Variants in PHLDB2 observed in about 807,000 individuals in gnomAD.
The protein encoded by PHLDB2 is pleckstrin homology like domain family B member 2, also known as pleckstrin homology-like domain family B member 2.
Under a neutral mutation model 123.6 loss-of-function variants are expected in PHLDB2, and 71 were observed. The observed-to-expected ratio is 0.57, with a 90% CI of 0.47 to 0.70. The LOEUF is 0.70. Among genes scored for constraint, PHLDB2 ranks in the 30% least tolerant of loss-of-function variants. PHLDB2 has a pLI of 0.00. For synonymous variants in PHLDB2, 547 were observed against 541.6 expected, an observed-to-expected ratio of 1.01 and a Z score of -0.14; for missense variants, 1,446 against 1,519.5, an observed-to-expected ratio of 0.95 and a Z score of 0.80.
chr3:111,772,114 A>G (rs898574183), intron 1 of PHLDB2, among the ~76,000 whole-genome samples: 3 of 152,152 alleles, frequency 2.0e-5, no homozygotes, highest in African/African-American at 4.8e-5. Context: ...AATCATTATG[A>G]GAATTTATTA....
chr3:111,740,771 T>C (rs1432398825), intron 1 of PHLDB2, among the ~76,000 whole-genome samples: 1 of 152,094 alleles, frequency 6.6e-6, no homozygotes, highest in African/African-American at 2.4e-5. Flanking sequence ...GACAGGCTTA[T>C]GATTCAACCA....
At chr3:111,870,885 A>G (rs550613766) in intron 1 of PHLDB2, among the ~76,000 whole-genome samples, 2 of 152,340 alleles carry the variant, frequency 1.3e-5, no homozygotes, top group African/African-American at 4.8e-5. Flanking sequence ...TTGAACACCA[A>G]GCATCAACCA....
In PHLDB2 at chr3:111,796,559, ACT is replaced by A. The variant is rs535457050; in HGVS notation, c.-48-49258_-48-49257del. Among the ~76,000 whole-genome samples, 9 of 151,956 alleles carry A rather than the reference ACT, an allele frequency of 5.9e-5. No individual in the cohort carries two copies. In the East Asian group the frequency reaches 1.6e-3, roughly 26 times the overall value. On this transcript the variant is annotated intron_variant, in intron 1 of 17. Transcript: ENST00000393923. ...TTATTTTTTATTGTTTTTGAGACAG[ACT>A]CTCACTCTGTTGTCCATGCTGAAGT...
chr3:111,925,224 GC>G (rs2107546528), intron 5 of PHLDB2, among the ~76,000 whole-genome samples: 1 of 152,260 alleles, frequency 6.6e-6, no homozygotes, highest in Admixed American at 6.5e-5. Context: ...ATTTAGGAAT[GC>G]ATTTTATTTT....
chr3:111,892,572 C>T (rs2066568056), intron 2 of PHLDB2, among the ~76,000 whole-genome samples: 1 of 152,120 alleles, frequency 6.6e-6, no homozygotes, highest in African/African-American at 2.4e-5. Flanking sequence ...AATAGAGAAG[C>T]TCTATACAAA....
chr3:111,781,299 G>T (rs1278248948), intron 1 of PHLDB2, among the ~76,000 whole-genome samples: 1 of 151,952 alleles, frequency 6.6e-6, no homozygotes, highest in Non-Finnish European at 1.5e-5. Flanking sequence ...CTCTGGAGCT[G>T]CTCCCAAGCC....
rs562291597 is a variant in PHLDB2 at position 111,973,523 on chromosome 3, G to A, written c.3536-209G>A. ...CTTAGGCAAAGTCATCTCGTTCTTC[G>A]GTTTGCAGCTAGTAATTTTATGGCT... On this transcript the variant is annotated intron_variant, in intron 16 of 17. Transcript: ENST00000431670. Among the ~76,000 whole-genome samples the A allele has an allele frequency of 6.6e-5, 10 of 152,148 alleles. No individual in the cohort carries two copies. The East Asian group carries it at 1.5e-3, about 23-fold the overall frequency.
At chr3:111,861,112 C>T (rs916072860) in intron 1 of PHLDB2, among the ~76,000 whole-genome samples, 2 of 152,174 alleles carry the variant, frequency 1.3e-5, no homozygotes, top group African/African-American at 4.8e-5. Context: ...TTCTTGGTTC[C>T]TGGTAGGTTA....
At chr3:111,732,678 G>A in exon 1 of PHLDB2, 5 of 1,535,724 alleles carry the variant, frequency 3.3e-6, no homozygotes, top group Non-Finnish European at 4.4e-6. Context: ...TGAGGGAAGA[G>A]TCGGGATTGA....
rs368568537 is a variant in PHLDB2 at position 111,884,955 on chromosome 3, A to G, written c.878A>G (p.His293Arg). ...AAACTTGGGGAAAAGGATCTACCTC[A>G]TAGCGTAATAGACAATGACAATTAC... ...RTKLGEKDLP[H>R]SVIDNDNYLN... The change falls in exon 2 of 18, where the codon CAT (histidine) becomes CGT (arginine). Residue 293 changes from histidine to arginine, a missense_variant. By Grantham distance (29) the His-to-Arg change is conservative. Transcript: ENST00000431670. The G allele has an allele frequency of 2.1e-5, 34 of 1,613,990 alleles. No homozygotes were observed. Among genetic ancestry groups the G allele is most frequent in the Non-Finnish European group, 2.7e-5 (32 of 1,180,000 alleles).
chr3:111,757,215 G>A (rs1048405493), intron 1 of PHLDB2, among the ~76,000 whole-genome samples: 71 of 152,296 alleles, frequency 4.7e-4, no homozygotes, highest in Admixed American at 1.4e-3. Context: ...GACTGGGGAA[G>A]TTCTCCTGTA....
intron 8 of PHLDB2, among the ~76,000 whole-genome samples, chr3:111,942,157 G>A (rs2069939170): frequency 6.6e-6 from 1 of 152,078 alleles, no homozygotes; most frequent in African/African-American, 2.4e-5. Flanking sequence ...TTTATAAAAT[G>A]GGTAAGCACA....
chr3:111,787,270 GTGTTCCC>G (rs1234178573), intron 1 of PHLDB2, among the ~76,000 whole-genome samples: 1 of 152,182 alleles, frequency 6.6e-6, no homozygotes, highest in East Asian at 1.9e-4. Context: ...GAAGGTGAAT[GTGTTCCC>G]TGTTTAAAAA....
intron 1 of PHLDB2, among the ~76,000 whole-genome samples, chr3:111,799,044 GA>G (rs555632439): frequency 6.6e-6 from 1 of 152,178 alleles, no homozygotes; most frequent in South Asian, 2.1e-4. Flanking sequence ...GCAGCAAGGA[GA>G]AAAATAAGAG....
chr3:111,936,836 A>G (rs2069521540), intron 6 of PHLDB2, among the ~76,000 whole-genome samples: 1 of 152,202 alleles, frequency 6.6e-6, no homozygotes, highest in African/African-American at 2.4e-5. Flanking sequence ...ACACAAATCA[A>G]GCTTAATTGG....
chr3:111,772,123 T>C (rs1325989947), intron 1 of PHLDB2, among the ~76,000 whole-genome samples: 1 of 152,176 alleles, frequency 6.6e-6, no homozygotes, highest in Non-Finnish European at 1.5e-5. Context: ...GAGAATTTAT[T>C]ACTCCTTCTT....
intron 3 of PHLDB2, chr3:111,917,528 A>G (rs1053179840): frequency 6.6e-6 from 1 of 152,214 alleles, no homozygotes; most frequent in Admixed American, 6.5e-5. Context: ...TGTTACAGGC[A>G]TTCCTCATGG....
In PHLDB2 at chr3:111,974,458, T is replaced by C; in HGVS notation, c.3657T>C (p.Thr1219=). ...PNPLLTFSVK[T]HDRIYYMVAP... is the part of the protein sequence containing the mutation. ...CGTTACTCACCTTTAGCGTCAAGAC[T>C]CATGACAGAATCTATTATATGGTAG... The change falls in exon 18 of 18, where the codon ACT becomes ACC. Residue 1219 remains threonine, a synonymous_variant. Coordinates refer to ENST00000431670, the MANE Select transcript of PHLDB2 (RefSeq NM_001134438.2). 6.2e-7 allele frequency: 1 copy of C among 1,613,194 alleles called. No individual in the cohort carries two copies. Among genetic ancestry groups the C allele is most frequent in the Non-Finnish European group, 8.5e-7 (1 of 1,179,482 alleles).
Position 111,947,748 on chromosome 3 carries a change from A to AT in PHLDB2, c.2488-1183dup, listed in dbSNP as rs1292186745. 3.9e-5 allele frequency among the ~76,000 whole-genome samples: 6 copies of AT among 152,200 alleles called. 1 individual carries two copies. The highest frequency in any genetic ancestry group is 1.4e-4 in the African/African-American group (6 of 41,460). On this transcript the variant is annotated intron_variant, in intron 9 of 17. Coordinates refer to ENST00000431670, the MANE Select transcript of PHLDB2 (RefSeq NM_001134438.2). ...GTTTAACATTATAAAACTTTACGTGATATCTATCCTGCCTTCTGAAGTGCA... is the reference window on the plus strand; with the variant it reads ...GTTTAACATTATAAAACTTTACGTGATTATCTATCCTGCCTTCTGAAGTGCA...
Sources: allele counts gnomAD v4.1 joint callset (sites outside exome capture counted in the v4.1 genomes callset), GRCh38; gene constraint gnomAD v4.1.1; transcripts MANE v1.5; gene names NCBI Gene and HGNC (gene_info 2026-07-23, HGNC 2026-07-21).